Variants in HEPACAM observed in about 807,000 individuals in gnomAD.
HEPACAM encodes the protein hepatocyte cell adhesion molecule.
A neutral mutation model predicts 38.3 loss-of-function variants in HEPACAM; 18 were observed. The ratio of observed to expected loss-of-function variants is 0.47; its 90% confidence interval spans 0.33 to 0.70. The LOEUF (loss-of-function observed/expected upper bound fraction) is 0.70. Among genes scored for constraint, HEPACAM ranks in the 30% least tolerant of loss-of-function variants. HEPACAM has a pLI of 0.03. For synonymous variants in HEPACAM, 216 were observed against 243.1 expected (o/e 0.89, Z 1.04); for missense variants, 466 against 563.0 (o/e 0.83, Z 1.74).
In HEPACAM at chr11:124,920,227, G is replaced by C. The variant is rs1453217086; in HGVS notation, c.*911C>G. The C allele has an allele frequency of 9.1e-6, 8 of 874,480 alleles. No homozygotes were observed. The South Asian group carries it at 1.3e-4, about 14-fold the overall frequency. 54.2% of individuals were successfully genotyped at this position (874,480 alleles called of 1,614,324 possible). ...ACTTTCCTGAGGACAATGATTGTTT[G>C]AAAGGCTTGTTTTGTAAGGAAGCCA... is the stretch of plus-strand genomic sequence containing the variant. On this transcript the variant is annotated 3_prime_UTR_variant, in exon 7 of 7. Transcript: ENST00000298251.
In HEPACAM at chr11:124,924,868, C is replaced by T. The variant is rs761701195; in HGVS notation, c.287G>A (p.Arg96Gln). ...EVIGTLRPDY[R>Q]DRIRLFENGS... Reference sequence around the variant, plus strand: ...ATTTTCAAAGAGTCGGATACGGTCTCGATAGTCAGGCCGCAGGGTGCCGAT... The same window carrying T: ...ATTTTCAAAGAGTCGGATACGGTCTTGATAGTCAGGCCGCAGGGTGCCGAT... Residue 96 changes from arginine (R) to glutamine (Q), a missense_variant, in exon 2 of 7, where the codon CGA becomes CAA. Transcript: ENST00000298251. The surrounding 1 kb of genome is among the most constrained non-coding windows in gnomAD (Gnocchi z 4.4). The T allele has an allele frequency of 8.7e-6, 14 of 1,614,178 alleles. No individual in the cohort carries two copies. Among genetic ancestry groups the T allele is most frequent in the Non-Finnish European group, 1.0e-5 (12 of 1,180,032 alleles).
Position 124,924,869 on chromosome 11 carries a change from G to T in HEPACAM, c.286C>A (p.Arg96=). 1 of 1,614,174 alleles carries T rather than the reference G, an allele frequency of 6.2e-7. No individual in the cohort carries two copies. Among genetic ancestry groups the T allele is most frequent in the Non-Finnish European group, 8.5e-7 (1 of 1,180,028 alleles). ...EVIGTLRPDY[R]DRIRLFENGS... ...TTTTCAAAGAGTCGGATACGGTCTC[G>T]ATAGTCAGGCCGCAGGGTGCCGATG... The change falls in exon 2 of 7, where the codon CGA becomes AGA. Residue 96 remains arginine (R), a synonymous_variant. Coordinates refer to ENST00000298251, the MANE Select transcript of HEPACAM (RefSeq NM_152722.5). This position sits in a 1 kb window ranked among gnomAD's most constrained non-coding sequence, Gnocchi z 4.4.
chr11:124,935,730 C>T (rs888029865), intron 1 of HEPACAM, among the ~76,000 whole-genome samples, 192 bp downstream of exon 1: 7 of 152,146 alleles, frequency 4.6e-5, no homozygotes, highest in Non-Finnish European at 1.0e-4. Context: ...GGGTAGGGGC[C>T]GCGCGGGAGG....
chr11:124,921,095 T>C lies in HEPACAM; in HGVS notation c.*43A>G. ...CAGCCCCAGCTTTCCCCCGGGCCAC[T>C]GGCCGCAGACCGCGGGCGCCTCTCA... On this transcript the variant is annotated 3_prime_UTR_variant, in exon 7 of 7. Transcript: ENST00000298251. This position sits in a 1 kb window ranked among gnomAD's most constrained non-coding sequence, Gnocchi z 4.6. 1 of 1,514,888 alleles carries C rather than the reference T, an allele frequency of 6.6e-7. No homozygotes were observed. 93.8% of individuals were successfully genotyped at this position (1,514,888 alleles called of 1,614,324 possible).
Position 124,920,081 on chromosome 11 carries a change from G to T in HEPACAM, c.*1057C>A. The T allele has an allele frequency of 6.5e-7, 1 of 1,539,356 alleles. No homozygotes were observed. The highest frequency in any genetic ancestry group is 8.8e-7 in the Non-Finnish European group (1 of 1,135,448). ...GCATGTGGGAGCAGGGCAGATGGGTGGCAGGAGGCCAGGGGTTGGATCATG... is the reference window on the plus strand; with the variant it reads ...GCATGTGGGAGCAGGGCAGATGGGTTGCAGGAGGCCAGGGGTTGGATCATG... On this transcript the variant is annotated 3_prime_UTR_variant, in exon 7 of 7. Coordinates refer to ENST00000298251, the MANE Select transcript of HEPACAM (RefSeq NM_152722.5).
At position 124,921,209 on chromosome 11, in the gene HEPACAM, T is replaced by C. The variant is rs1190855184; in HGVS notation, c.1180A>G (p.Thr394Ala). The change falls in exon 7 of 7, where the codon ACA (threonine) becomes GCA (alanine). Residue 394 changes from threonine to alanine, a missense_variant. Coordinates refer to ENST00000298251, the MANE Select transcript of HEPACAM (RefSeq NM_152722.5). This position sits in a 1 kb window ranked among gnomAD's most constrained non-coding sequence, Gnocchi z 4.6. ...SPGRSRSASR[T>A]LRTAGVHIIR... ...ATGTGCACGCCCGCAGTCCGCAGTGTGCGCGAGGCGCTGCGCGAGCGGCCG... is the reference window on the plus strand; with the variant it reads ...ATGTGCACGCCCGCAGTCCGCAGTGCGCGCGAGGCGCTGCGCGAGCGGCCG... 1.0e-5 allele frequency: 15 copies of C among 1,487,882 alleles called. No homozygotes were observed. Among genetic ancestry groups the C allele is most frequent in the Admixed American group, 2.2e-5 (1 of 45,184 alleles). 92.2% of individuals were successfully genotyped at this position (1,487,882 alleles called of 1,614,324 possible).
rs143682348 is a variant in HEPACAM, at chr11:124,930,260, G to A, written c.86-5191C>T. ...TATTATTCCTAATTAATGAGGGTTT[G>A]AGAAAACCACCCCGCTCCTCTGCTG... On this transcript the variant is annotated intron_variant, in intron 1 of 6. Coordinates refer to ENST00000298251, the MANE Select transcript of HEPACAM (RefSeq NM_152722.5). 8.1e-4 allele frequency among the ~76,000 whole-genome samples: 124 copies of A among 152,298 alleles called. 3 individuals are homozygous for A. Among genetic ancestry groups the A allele is most frequent in the Middle Eastern group, 3.4e-3 (1 of 294 alleles).
In HEPACAM at chr11:124,921,474, A is replaced by T. The variant is rs1276045832; in HGVS notation, c.949-34T>A. ...ACACGCGCCGCAGGGGTCAGGGGAC[A>T]GTCAGCCCAGCCTGGGAGCGCGCCT... is the stretch of plus-strand genomic sequence containing the variant. On this transcript the variant is annotated intron_variant, in intron 6 of 6. Transcript: ENST00000298251. The surrounding 1 kb of genome is among the most constrained non-coding windows in gnomAD (Gnocchi z 4.6). 1 of 1,227,552 alleles carries T rather than the reference A, an allele frequency of 8.1e-7. No individual in the cohort carries two copies. Among genetic ancestry groups the T allele is most frequent in the Non-Finnish European group, 1.0e-6 (1 of 976,918 alleles). 76.0% of individuals were successfully genotyped at this position (1,227,552 alleles called of 1,614,324 possible). A position where few individuals can be genotyped will look rare whatever the true frequency, so the allele number is the denominator to read the frequency against.
In HEPACAM at chr11:124,921,471, G is replaced by T. The variant is rs1018618190; in HGVS notation, c.949-31C>A. 9 of 1,235,488 alleles carry T rather than the reference G, an allele frequency of 7.3e-6. No individual in the cohort carries two copies. The highest frequency in any genetic ancestry group is 3.8e-5 in the Admixed American group (1 of 26,164). The allele number at this position is 1,235,488 out of a possible 1,614,324, so 76.5% of individuals were successfully genotyped here. On this transcript the variant is annotated intron_variant, in intron 6 of 6. Coordinates refer to ENST00000298251, the MANE Select transcript of HEPACAM (RefSeq NM_152722.5). The surrounding 1 kb of genome is among the most constrained non-coding windows in gnomAD (Gnocchi z 4.6). ...AGGACACGCGCCGCAGGGGTCAGGG[G>T]ACAGTCAGCCCAGCCTGGGAGCGCG...
Position 124,920,335 on chromosome 11 carries a change from T to C in HEPACAM, c.*803A>G, listed in dbSNP as rs1203179491. ...GCCAGGGGAGTAAGTGAAATTCACTTCTCTATAAGAATAAGCCCATCCATC... is the reference window on the plus strand; with the variant it reads ...GCCAGGGGAGTAAGTGAAATTCACTCCTCTATAAGAATAAGCCCATCCATC... On this transcript the variant is annotated 3_prime_UTR_variant, in exon 7 of 7. Coordinates refer to ENST00000298251, the MANE Select transcript of HEPACAM (RefSeq NM_152722.5). 1.0e-5 allele frequency: 15 copies of C among 1,469,120 alleles called. No homozygotes were observed. Among genetic ancestry groups the C allele is most frequent in the Non-Finnish European group, 1.4e-5 (15 of 1,084,984 alleles). The allele number at this position is 1,469,120 out of a possible 1,614,324, so 91.0% of individuals were successfully genotyped here. A position where few individuals can be genotyped will look rare whatever the true frequency, so the allele number is the denominator to read the frequency against.
Position 124,919,631 on chromosome 11 carries a change from G to A in HEPACAM, c.*1507C>T. On this transcript the variant is annotated 3_prime_UTR_variant, in exon 7 of 7. Transcript: ENST00000298251. ...AGGCACACCTGCTCAAATGAGCCTG[G>A]GGAAGTGCCGAGGGACAGGGAGCTG... The A allele has an allele frequency of 8.6e-7, 1 of 1,156,992 alleles. No individual in the cohort carries two copies. Among genetic ancestry groups the A allele is most frequent in the South Asian group, 1.5e-5 (1 of 65,990 alleles). 71.7% of individuals were successfully genotyped at this position (1,156,992 alleles called of 1,614,324 possible). A position where few individuals can be genotyped will look rare whatever the true frequency, so the allele number is the denominator to read the frequency against.
intron 1 of HEPACAM, among the ~76,000 whole-genome samples, chr11:124,935,307 T>TTGTG (rs57032842): frequency 3.4e-4 from 51 of 150,866 alleles, no homozygotes; most frequent in African/African-American, 9.5e-4. Context: ...TGCTCTGTAA[T>TTGTG]TGTGTGTGTG....
At chr11:124,925,165 C>T in intron 1 of HEPACAM, 96 bp from the exon 2 acceptor site, 2 of 948,694 alleles carry the variant, frequency 2.1e-6, no homozygotes, top group Non-Finnish European at 3.1e-6. Context: ...CAAAGCTTCG[C>T]CTCTCTGGCT....
rs1947167896 is a variant in HEPACAM at position 124,923,628 on chromosome 11, C to T, written c.709+101G>A. On this transcript the variant is annotated intron_variant, in intron 3 of 6. Coordinates refer to ENST00000298251, the MANE Select transcript of HEPACAM (RefSeq NM_152722.5). Reference sequence around the variant, plus strand: ...ATGGATAGTTGGCCCATCTCTGTTCCCCTCCCCCCAGTGACATTTCTTTGG... The same window carrying T: ...ATGGATAGTTGGCCCATCTCTGTTCTCCTCCCCCCAGTGACATTTCTTTGG... 8 of 1,463,926 alleles carry T rather than the reference C, an allele frequency of 5.5e-6. No homozygotes were observed. The South Asian group carries it at 9.3e-5, about 17-fold the overall frequency. 90.7% of individuals were successfully genotyped at this position (1,463,926 alleles called of 1,614,324 possible).
chr11:124,922,375 C>T lies in HEPACAM; in HGVS notation c.948+13G>A, dbSNP rs1189430089. On this transcript the variant is annotated intron_variant, in intron 6 of 6. Coordinates refer to ENST00000298251, the MANE Select transcript of HEPACAM (RefSeq NM_152722.5). Reference sequence around the variant, plus strand: ...ACTGCATGTTTCTGGGCACCCAGTCCAGAGCCGCTCACCTTGTCCTTCAGG... The same window carrying T: ...ACTGCATGTTTCTGGGCACCCAGTCTAGAGCCGCTCACCTTGTCCTTCAGG... 1 of 1,613,482 alleles carries T rather than the reference C, an allele frequency of 6.2e-7. No homozygotes were observed. Among genetic ancestry groups the T allele is most frequent in the Admixed American group, 1.7e-5 (1 of 60,022 alleles).
At position 124,921,530 on chromosome 11, in the gene HEPACAM, A is replaced by C; in HGVS notation, c.949-90T>G. ...TAGAGCTTGCTGGAATTCCGAGGGG[A>C]GGGACCTAGTTTCCCTCTGCACGCC... is the stretch of plus-strand genomic sequence containing the variant. On this transcript the variant is annotated intron_variant, in intron 6 of 6. Coordinates refer to ENST00000298251, the MANE Select transcript of HEPACAM (RefSeq NM_152722.5). This position sits in a 1 kb window ranked among gnomAD's most constrained non-coding sequence, Gnocchi z 4.6. 4.6e-6 allele frequency: 4 copies of C among 862,524 alleles called. No homozygotes were observed. Among genetic ancestry groups the C allele is most frequent in the Non-Finnish European group, 6.1e-6 (4 of 651,690 alleles). 53.4% of individuals were successfully genotyped at this position (862,524 alleles called of 1,614,324 possible). A position where few individuals can be genotyped will look rare whatever the true frequency, so the allele number is the denominator to read the frequency against.
Position 124,921,384 on chromosome 11 carries a change from GGGCTCC to G in HEPACAM, c.999_1004del (p.Glu334_Pro335del). On this transcript the variant is annotated inframe_deletion, in exon 7 of 7. Transcript: ENST00000298251. This position sits in a 1 kb window ranked among gnomAD's most constrained non-coding sequence, Gnocchi z 4.6. ...GAGACACGGAGTAGCCGGGCGGGCC[GGGCTCC>G]GTCGCGCTTCGAGGCTCCGGGGCCG... 7.9e-7 allele frequency: 1 copy of G among 1,270,888 alleles called. No individual in the cohort carries two copies. The highest frequency in any genetic ancestry group is 9.9e-7 in the Non-Finnish European group (1 of 1,011,082). The allele number at this position is 1,270,888 out of a possible 1,614,324, so 78.7% of individuals were successfully genotyped here. A position where few individuals can be genotyped will look rare whatever the true frequency, so the allele number is the denominator to read the frequency against.
intron 1 of HEPACAM, among the ~76,000 whole-genome samples, chr11:124,930,879 A>G (rs1947274206): frequency 6.6e-6 from 1 of 152,242 alleles, no homozygotes; most frequent in East Asian, 1.9e-4. Flanking sequence ...ATGAAAGGTA[A>G]AACAACAACA....
chr11:124,919,622 A>G lies in HEPACAM; in HGVS notation c.*1516T>C, dbSNP rs1473183383. On this transcript the variant is annotated 3_prime_UTR_variant, in exon 7 of 7. Transcript: ENST00000298251. ...GAGCTGCGAAGGCACACCTGCTCAA[A>G]TGAGCCTGGGGAAGTGCCGAGGGAC... 9.3e-7 allele frequency: 1 copy of G among 1,076,144 alleles called. No homozygotes were observed. The highest frequency in any genetic ancestry group is 1.3e-6 in the Non-Finnish European group (1 of 753,920). The allele number at this position is 1,076,144 out of a possible 1,614,324, so 66.7% of individuals were successfully genotyped here.
Sources: allele counts gnomAD v4.1 joint callset (sites outside exome capture counted in the v4.1 genomes callset), GRCh38; gene constraint gnomAD v4.1.1; non-coding constraint Gnocchi (gnomAD v3.1); transcripts MANE v1.5; gene names NCBI Gene and HGNC (gene_info 2026-07-23, HGNC 2026-07-21).